Variants in WDR72 observed in about 807,000 individuals in gnomAD.
WDR72 encodes WD repeat-containing protein 72.
WDR72 carries 120 observed loss-of-function variants against 124.2 expected under a neutral mutation model. That is an observed-to-expected ratio of 0.97 (90% confidence interval 0.83 to 1.12). The LOEUF is 1.12. Among genes scored for constraint, WDR72 ranks in the 50% most tolerant of loss-of-function variants. The pLI, the probability that WDR72 is intolerant of heterozygous loss-of-function variation, is 0.00. For missense variants in WDR72, 1,387 were observed against 1,278.8 expected (o/e 1.08, Z -1.29); for synonymous variants, 452 against 441.7 (o/e 1.02, Z -0.29).
chr15:53,591,579 C>T (rs531981524), intron 18 of WDR72, among the ~76,000 whole-genome samples: 21 of 152,030 alleles, frequency 1.4e-4, no homozygotes, highest in East Asian at 1.4e-3. Flanking sequence ...TGCTTGTACA[C>T]GCTATTAGCA....
upstream of WDR72, among the ~76,000 whole-genome samples, chr15:53,759,870 C>G (rs1040105131): frequency 6.8e-6 from 1 of 146,488 alleles, no homozygotes; most frequent in Non-Finnish European, 1.5e-5. Context: ...CTCTCACTTG[C>G]GGTGGCGGCT....
chr15:53,735,072 G>A (rs1177731661), intron 1 of WDR72, among the ~76,000 whole-genome samples: 1 of 151,992 alleles, frequency 6.6e-6, no homozygotes, highest in East Asian at 1.9e-4. Flanking sequence ...GGTAGGTGGA[G>A]CACTTGAACC....
At chr15:53,728,614 T>C (rs2018111895) in intron 2 of WDR72, among the ~76,000 whole-genome samples, 1 of 152,220 alleles carries the variant, frequency 6.6e-6, no homozygotes, top group Admixed American at 6.5e-5. Flanking sequence ...TTATTGTGTT[T>C]CCTTCTGAGT....
intron 2 of WDR72, 59 bp downstream of exon 2, chr15:53,732,938 T>C (rs1030508565): frequency 3.1e-6 from 5 of 1,603,828 alleles, no homozygotes; most frequent in Non-Finnish European, 4.3e-6. Context: ...AGATAGAAAA[T>C]GCAAGTTGTC....
At chr15:53,646,463 C>T (rs1042367250) in intron 14 of WDR72, among the ~76,000 whole-genome samples, 4 of 151,830 alleles carry the variant, frequency 2.6e-5, no homozygotes, top group African/African-American at 9.7e-5. Context: ...TTTTGAAAAA[C>T]GTTGTAAGAC....
chr15:53,672,477 G>C (rs1480617647), intron 13 of WDR72, among the ~76,000 whole-genome samples: 3 of 152,148 alleles, frequency 2.0e-5, no homozygotes, highest in African/African-American at 7.2e-5. Flanking sequence ...CATTAGGATT[G>C]TCAAATTTAT....
intron 13 of WDR72, among the ~76,000 whole-genome samples, chr15:53,677,077 C>A (rs775033070): frequency 2.0e-5 from 3 of 151,838 alleles, no homozygotes; most frequent in Non-Finnish European, 4.4e-5. Flanking sequence ...CCCTCCCGCA[C>A]GCCCAGCTAA....
intron 14 of WDR72, among the ~76,000 whole-genome samples, chr15:53,630,937 C>G (rs117300283): frequency 3.4e-3 from 522 of 152,170 alleles, no homozygotes; most frequent in Non-Finnish European, 6.0e-3. Context: ...TTGCAGATTA[C>G]ATAATATTGT....
intron 13 of WDR72, among the ~76,000 whole-genome samples, chr15:53,672,183 T>C (rs918920508): frequency 1.3e-5 from 2 of 152,144 alleles, no homozygotes; most frequent in Non-Finnish European, 2.9e-5. Flanking sequence ...GGCAGAGATG[T>C]TTCTATTACG....
At chr15:53,705,440 T>G (rs2017323036) in intron 10 of WDR72, among the ~76,000 whole-genome samples, 1 of 151,488 alleles carries the variant, frequency 6.6e-6, no homozygotes, top group Non-Finnish European at 1.5e-5. Context: ...TCCATAACCT[T>G]TGTGTGTGTG....
chr15:53,594,168 T>C (rs1240806350), intron 18 of WDR72, among the ~76,000 whole-genome samples: 1 of 151,988 alleles, frequency 6.6e-6, no homozygotes, highest in Non-Finnish European at 1.5e-5. Context: ...ATTGTTGCCA[T>C]ATTGCTATAA....
Position 53,742,613 on chromosome 15 carries a change from G to C in WDR72, c.-12-9452C>G, listed in dbSNP as rs529533654. Among the ~76,000 whole-genome samples, 5 of 152,010 alleles carry C rather than the reference G, an allele frequency of 3.3e-5. No individual in the cohort carries two copies. The South Asian group carries it at 1.0e-3, about 32-fold the overall frequency. On this transcript the variant is annotated intron_variant, in intron 1 of 19. Coordinates refer to ENST00000360509, the MANE Select transcript of WDR72 (RefSeq NM_182758.4). ...ACTGGAGAAAATAAGTGTACACTGAGAAAGAAATATAGCATTACTTCTTGG... is the reference window on the plus strand; with the variant it reads ...ACTGGAGAAAATAAGTGTACACTGACAAAGAAATATAGCATTACTTCTTGG...
rs78348390 is a variant in WDR72 at position 53,590,337 on chromosome 15, T to C, written c.3148+6742A>G. 3.3e-4 allele frequency among the ~76,000 whole-genome samples: 50 copies of C among 152,202 alleles called. No homozygotes were observed. The East Asian group carries it at 9.3e-3, about 28-fold the overall frequency. ...TTAAATTTTTAAGCAATAAAACTTA[T>C]ATTTCTGTTAATTCATATTCCAAAT... On this transcript the variant is annotated intron_variant, in intron 18 of 19. Transcript: ENST00000360509.
At chr15:53,518,804 T>C (rs769225069) in intron 19 of WDR72, among the ~76,000 whole-genome samples, 80 of 152,052 alleles carry the variant, frequency 5.3e-4, no homozygotes, top group Non-Finnish European at 9.3e-4. Context: ...CACAGTATAG[T>C]ATCCCCTGGA....
At chr15:53,682,981 T>C (rs1404636998) in intron 13 of WDR72, among the ~76,000 whole-genome samples, 1 of 152,160 alleles carries the variant, frequency 6.6e-6, no homozygotes, top group Non-Finnish European at 1.5e-5. Flanking sequence ...CTTACAGTTA[T>C]GGCAAAAGGT....
At chr15:53,521,509 C>T (rs969075403) in intron 19 of WDR72, among the ~76,000 whole-genome samples, 6 of 151,994 alleles carry the variant, frequency 3.9e-5, no homozygotes, top group Admixed American at 1.3e-4. Flanking sequence ...TAATGATGTC[C>T]GATGTATAGA....
intron 14 of WDR72, among the ~76,000 whole-genome samples, chr15:53,644,957 T>C (rs1165763755): frequency 2.0e-5 from 3 of 152,094 alleles, no homozygotes; most frequent in Admixed American, 2.0e-4. Flanking sequence ...AGAGTACCTT[T>C]TTGCTTTCTC....
intron 2 of WDR72, among the ~76,000 whole-genome samples, chr15:53,724,100 C>A (rs2017952344): frequency 3.3e-5 from 5 of 152,152 alleles, no homozygotes; most frequent in Admixed American, 3.3e-4. Flanking sequence ...CTATGCAGAA[C>A]CTAAAAGGCC....
chr15:53,685,760 C>G (rs2016598317), intron 13 of WDR72, among the ~76,000 whole-genome samples: 1 of 150,184 alleles, frequency 6.7e-6, no homozygotes, highest in Admixed American at 6.6e-5. Context: ...ACATAATTGT[C>G]AGATTCACCA....
Sources: allele counts gnomAD v4.1 joint callset (sites outside exome capture counted in the v4.1 genomes callset), GRCh38; gene constraint gnomAD v4.1.1; transcripts MANE v1.5; gene names NCBI Gene and HGNC (gene_info 2026-07-23, HGNC 2026-07-21).